Variants in ABAT observed in about 807,000 individuals in gnomAD.
The protein encoded by ABAT is 4-aminobutyrate aminotransferase, mitochondrial.
Under a neutral mutation model 64.6 loss-of-function variants are expected in ABAT, and 45 were observed. The ratio of observed to expected loss-of-function variants is 0.70; its 90% CI spans 0.55 to 0.89. The LOEUF is 0.89. Among genes scored for constraint, ABAT ranks in the 40% least tolerant of loss-of-function variants. The probability of loss-of-function intolerance (pLI) is 0.00; values close to 1 mark genes in which losing one functional copy is unlikely to be tolerated. For synonymous variants in ABAT, 297 were observed against 250.5 expected (o/e 1.19, Z -1.75); for missense variants, 633 against 658.4 (o/e 0.96, Z 0.42).
In ABAT at chr16:8,764,967, C is replaced by T. The variant is rs1170805652; in HGVS notation, c.540+137C>T. The T allele has an allele frequency of 1.3e-5, 11 of 825,458 alleles. No homozygotes were observed. Among genetic ancestry groups the T allele is most frequent in the Admixed American group, 4.0e-5 (2 of 50,184 alleles). The allele number at this position is 825,458 out of a possible 1,614,324, so 51.1% of individuals were successfully genotyped here. On this transcript the variant is annotated intron_variant, in intron 8 of 15. Coordinates refer to ENST00000268251, the MANE Select transcript of ABAT (RefSeq NM_020686.6). This position sits in a 1 kb window ranked among gnomAD's most constrained non-coding sequence, Gnocchi z 4.2. ...TACCAGGGTTAAAATACAGGGAGGGCCACTGCTGGATGGTACTTTGAGACG... is the reference window on the plus strand; with the variant it reads ...TACCAGGGTTAAAATACAGGGAGGGTCACTGCTGGATGGTACTTTGAGACG...
At chr16:8,695,035 C>T (rs556866094) in intron 1 of ABAT, among the ~76,000 whole-genome samples, 1 of 152,308 alleles carries the variant, frequency 6.6e-6, no homozygotes, top group African/African-American at 2.4e-5. Context: ...GGCCAGCAAG[C>T]CTGAGAGGTG....
At chr16:8,767,069 C>G (rs765581570) in intron 9 of ABAT, among the ~76,000 whole-genome samples, 20 of 152,210 alleles carry the variant, frequency 1.3e-4, no homozygotes, top group South Asian at 6.2e-4. Context: ...TGGTGCTCAA[C>G]CAGCCTGAGA....
At chr16:8,691,313 G>A (rs1032370046) in intron 1 of ABAT, among the ~76,000 whole-genome samples, 5 of 152,206 alleles carry the variant, frequency 3.3e-5, no homozygotes, top group African/African-American at 1.2e-4. Context: ...CCAAGTGAGG[G>A]AGTTGGGATT....
intron 1 of ABAT, among the ~76,000 whole-genome samples, chr16:8,731,107 C>T (rs1287018217): frequency 3.9e-5 from 6 of 152,096 alleles, no homozygotes; most frequent in Non-Finnish European, 7.4e-5. Flanking sequence ...GGATTACAGG[C>T]GTGCACCACC....
chr16:8,762,049 A>G (rs925143073), intron 6 of ABAT, among the ~76,000 whole-genome samples: 1 of 151,084 alleles, frequency 6.6e-6, no homozygotes, highest in African/African-American at 2.4e-5. Flanking sequence ...CCCAGGCTAG[A>G]GTGGAGTGGC....
In ABAT at chr16:8,783,687, C is replaced by T. The variant is rs1567322673; in HGVS notation, c.*2257C>T. 1 of 152,172 alleles carries T rather than the reference C, an allele frequency of 6.6e-6. No homozygotes were observed. Among genetic ancestry groups the T allele is most frequent in the Non-Finnish European group, 1.5e-5 (1 of 68,032 alleles). The allele number at this position is 152,172 out of a possible 1,614,324, so 9.4% of individuals were successfully genotyped here. On this transcript the variant is annotated 3_prime_UTR_variant, in exon 16 of 16. Coordinates refer to ENST00000268251, the MANE Select transcript of ABAT (RefSeq NM_020686.6). Reference sequence around the variant, plus strand: ...TTTATTGGCTTAAGTATGCTTTCTCCTGAAAACTTTAGCATTGGGTGCAAA... The same window carrying T: ...TTTATTGGCTTAAGTATGCTTTCTCTTGAAAACTTTAGCATTGGGTGCAAA...
At chr16:8,768,721 C>A in intron 10 of ABAT, 104 bp from the exon 11 acceptor site, 2 of 1,520,420 alleles carry the variant, frequency 1.3e-6, no homozygotes, top group East Asian at 2.3e-5. Context: ...GGCCTCCCTG[C>A]CCACTGACAG....
intron 9 of ABAT, among the ~76,000 whole-genome samples, chr16:8,766,986 A>C (rs907255583): frequency 2.6e-5 from 4 of 152,138 alleles, no homozygotes; most frequent in Admixed American, 1.3e-4. Context: ...AAAACAAAAC[A>C]AAAAAAGTAC....
chr16:8,775,321 C>G (rs2060235692), intron 13 of ABAT, among the ~76,000 whole-genome samples: 1 of 152,178 alleles, frequency 6.6e-6, no homozygotes, highest in Non-Finnish European at 1.5e-5. Context: ...ACAGCTGCCG[C>G]AGCAGACTGA....
chr16:8,760,874 G>T (rs2059775883), intron 6 of ABAT, among the ~76,000 whole-genome samples: 1 of 152,166 alleles, frequency 6.6e-6, no homozygotes, highest in Non-Finnish European at 1.5e-5. Flanking sequence ...AAGAGTTGGA[G>T]ACCAGCCTGG....
intron 2 of ABAT, among the ~76,000 whole-genome samples, chr16:8,744,626 C>T (rs970108040): frequency 6.6e-6 from 1 of 152,082 alleles, no homozygotes; most frequent in African/African-American, 2.4e-5. Context: ...CCTGAACCTC[C>T]CAAAGTGCTG....
At chr16:8,731,376 C>T (rs2058714512) in intron 1 of ABAT, 1 of 152,248 alleles carries the variant, frequency 6.6e-6, no homozygotes, top group Non-Finnish European at 1.5e-5. Flanking sequence ...TCCAAAATCA[C>T]TTTGCACTCT....
chr16:8,763,086 G>A (rs1003286280), intron 6 of ABAT, among the ~76,000 whole-genome samples: 2 of 137,568 alleles, frequency 1.5e-5, no homozygotes, highest in Admixed American at 1.6e-4. Flanking sequence ...TCCAACCTGA[G>A]AGAGCAAGAC....
chr16:8,689,697 C>T (rs916143703), intron 1 of ABAT, among the ~76,000 whole-genome samples: 2 of 152,174 alleles, frequency 1.3e-5, no homozygotes, highest in African/African-American at 4.8e-5. Context: ...GAAGTCTTCT[C>T]TGAGAAAGTG....
chr16:8,739,764 A>G (rs2059109543), intron 2 of ABAT, among the ~76,000 whole-genome samples: 1 of 35,220 alleles, frequency 2.8e-5, no homozygotes, highest in East Asian at 7.3e-4. Context: ...AAACAAAAAA[A>G]CAGAAAAAAT....
intron 1 of ABAT, among the ~76,000 whole-genome samples, chr16:8,719,437 C>T (rs1442799037): frequency 6.6e-6 from 1 of 152,158 alleles, no homozygotes; most frequent in African/African-American, 2.4e-5. Flanking sequence ...GATGTGAAGC[C>T]CTGTCTGTTC....
chr16:8,733,313 T>G (rs1370133439), intron 1 of ABAT, among the ~76,000 whole-genome samples: 1 of 147,884 alleles, frequency 6.8e-6, no homozygotes, highest in Non-Finnish European at 1.5e-5. Context: ...CTAGGTGGGA[T>G]GGCGGCCGGG....
At chr16:8,747,830 C>T (rs1247514380) in intron 3 of ABAT, among the ~76,000 whole-genome samples, 2 of 152,162 alleles carry the variant, frequency 1.3e-5, no homozygotes, top group Non-Finnish European at 2.9e-5. Flanking sequence ...TAAACACCTT[C>T]AGCTTAAGAT....
rs1339259925 is a variant in ABAT, at chr16:8,781,914, C to T, written c.*484C>T. On this transcript the variant is annotated 3_prime_UTR_variant, in exon 16 of 16. Transcript: ENST00000268251. This position sits in a 1 kb window ranked among gnomAD's most constrained non-coding sequence, Gnocchi z 4.5. ...CACCTCCTCTCCCAGCCTCCCGGAG[C>T]TCTGAGCACGCCCCACGCATGGTGC... is the stretch of plus-strand genomic sequence containing the variant. 1 of 309,820 alleles carries T rather than the reference C, an allele frequency of 3.2e-6. No individual in the cohort carries two copies. The highest frequency in any genetic ancestry group is 6.3e-6 in the Non-Finnish European group (1 of 159,546). 19.2% of individuals were successfully genotyped at this position (309,820 alleles called of 1,614,324 possible). A position where few individuals can be genotyped will look rare whatever the true frequency, so the allele number is the denominator to read the frequency against.
Sources: gnomAD v4.1 joint callset for allele counts (sites outside exome capture counted in the v4.1 genomes callset) on GRCh38, gnomAD v4.1.1 for gene constraint, Gnocchi (gnomAD v3.1) non-coding constraint, MANE v1.5 for transcripts, NCBI Gene and HGNC (gene_info 2026-07-23, HGNC 2026-07-21) for gene names.